Variants in RFX4 observed in about 807,000 individuals in gnomAD.
RFX4 encodes the protein regulatory factor X4.
In RFX4, 10 loss-of-function variants were observed where a neutral mutation model predicts 95.0. The observed-to-expected ratio is 0.11, with a 90% CI of 0.06 to 0.18. The LOEUF is 0.18. Among genes scored for constraint, RFX4 ranks in the 10% least tolerant of loss-of-function variants. The pLI is 1.00. For missense variants in RFX4, 640 were observed against 922.0 expected, an observed-to-expected ratio of 0.69 and a Z score of 3.96; for synonymous variants, 321 against 340.7, an observed-to-expected ratio of 0.94 and a Z score of 0.64.
rs397850563 is a variant in RFX4 at position 106,628,762 on chromosome 12, C to CTTT, written c.131-10555_131-10553dup. 4.7e-4 allele frequency among the ~76,000 whole-genome samples: 62 copies of CTTT among 133,254 alleles called. 3 individuals carry two copies. Among genetic ancestry groups the CTTT allele is most frequent in the African/African-American group, 6.5e-4 (23 of 35,164 alleles). The allele number at this position is 133,254 out of a possible 152,430, so 87.4% of individuals were successfully genotyped here. A position where few individuals can be genotyped will look rare whatever the true frequency, so the allele number is the denominator to read the frequency against. ...AAATGAAAAATTCAAATATATGTTC[C>CTTT]TTTTTTTTTTTTTTTTTGAGACAGA... On this transcript the variant is annotated intron_variant, in intron 2 of 17. Coordinates refer to ENST00000392842, the MANE Select transcript of RFX4 (RefSeq NM_213594.3).
chr12:106,730,552 T>C (rs74735985), intron 13 of RFX4, among the ~76,000 whole-genome samples: 2 of 152,296 alleles, frequency 1.3e-5, no homozygotes, highest in African/African-American at 2.4e-5. Context: ...TCACAGTTTG[T>C]TGTAAGGAAG....
At chr12:106,689,158 C>A in intron 6 of RFX4, 129 bp from the exon 7 acceptor site, 2 of 792,344 alleles carry the variant, frequency 2.5e-6, no homozygotes, top group East Asian at 2.6e-5. Flanking sequence ...GTCTGGTAGG[C>A]TGAGCCGGTG....
intron 4 of RFX4, among the ~76,000 whole-genome samples, chr12:106,663,492 T>A (rs886288770): frequency 3.9e-5 from 6 of 152,042 alleles, no homozygotes; most frequent in African/African-American, 1.4e-4. Context: ...GACAATTATG[T>A]CATCTTTGAA....
chr12:106,699,895 A>G (rs2041952550), intron 8 of RFX4, among the ~76,000 whole-genome samples: 1 of 150,936 alleles, frequency 6.6e-6, no homozygotes, highest in Non-Finnish European at 1.5e-5. Flanking sequence ...AATTAAATAT[A>G]TGGTTCAATT....
chr12:106,677,079 T>G (rs1424455031), intron 4 of RFX4, among the ~76,000 whole-genome samples: 1 of 152,118 alleles, frequency 6.6e-6, no homozygotes, highest in Non-Finnish European at 1.5e-5. Context: ...TGGCGCTGGA[T>G]TGTTGTGATG....
At chr12:106,740,279 C>G (rs2137586586) in intron 15 of RFX4, among the ~76,000 whole-genome samples, 1 of 152,308 alleles carries the variant, frequency 6.6e-6, no homozygotes, top group South Asian at 2.1e-4. Context: ...GACCCTTAGT[C>G]TTTCCAAATA....
At chr12:106,671,469 C>T (rs1417818666) in intron 4 of RFX4, among the ~76,000 whole-genome samples, 2 of 151,920 alleles carry the variant, frequency 1.3e-5, no homozygotes, top group Non-Finnish European at 2.9e-5. Flanking sequence ...GGACACCGTG[C>T]TGGCTCTGGC....
intron 3 of RFX4, among the ~76,000 whole-genome samples, chr12:106,646,420 C>T (rs547924238): frequency 1.7e-5 from 2 of 117,006 alleles, no homozygotes; most frequent in South Asian, 5.9e-4. Context: ...AATACATTGC[C>T]TAGTTTTATC....
intron 4 of RFX4, among the ~76,000 whole-genome samples, chr12:106,656,631 C>T (rs1335374652): frequency 6.6e-6 from 1 of 152,178 alleles, no homozygotes; most frequent in Non-Finnish European, 1.5e-5. Context: ...GTTCCCAAAG[C>T]TAGTCCCAGT....
chr12:106,752,494 T>C (rs986470414), intron 17 of RFX4, among the ~76,000 whole-genome samples: 1 of 151,992 alleles, frequency 6.6e-6, no homozygotes, highest in Admixed American at 6.6e-5. Context: ...CATGCCAAGA[T>C]CTAATTGGCT....
chr12:106,720,689 A>T lies in RFX4; in HGVS notation c.1234-70A>T. 2 of 1,490,452 alleles carry T rather than the reference A, an allele frequency of 1.3e-6. No individual in the cohort carries two copies. Among genetic ancestry groups the T allele is most frequent in the Non-Finnish European group, 1.9e-6 (2 of 1,068,568 alleles). The allele number at this position is 1,490,452 out of a possible 1,614,324, so 92.3% of individuals were successfully genotyped here. ...GGCGTGAGCCACTTCAACCGGCCTC[A>T]TTTTTCAAAGAGACAGTAATAAATG... is the stretch of plus-strand genomic sequence containing the variant. On this transcript the variant is annotated intron_variant, in intron 12 of 17. Coordinates refer to ENST00000392842, the MANE Select transcript of RFX4 (RefSeq NM_213594.3). The surrounding 1 kb of genome is among the most constrained non-coding windows in gnomAD (Gnocchi z 4.2).
intron 1 of RFX4, among the ~76,000 whole-genome samples, chr12:106,601,707 C>T (rs1160385782): frequency 2.0e-5 from 3 of 152,216 alleles, no homozygotes; most frequent in Non-Finnish European, 4.4e-5. Context: ...CTGCAGGCTT[C>T]GCGGCCTGGT....
intron 7 of RFX4, among the ~76,000 whole-genome samples, chr12:106,694,669 T>C (rs1039552462): frequency 6.6e-6 from 1 of 152,190 alleles, no homozygotes; most frequent in African/African-American, 2.4e-5. Context: ...GAGTAATGAT[T>C]CTCAGCTATA....
Position 106,693,109 on chromosome 12 carries a change from G to A in RFX4, c.670-3174G>A, listed in dbSNP as rs1383496419. 2.3e-5 allele frequency: 10 copies of A among 443,360 alleles called. No homozygotes were observed. In the East Asian group the frequency reaches 4.5e-4, roughly 20 times the overall value. 27.5% of individuals were successfully genotyped at this position (443,360 alleles called of 1,614,324 possible). A position where few individuals can be genotyped will look rare whatever the true frequency, so the allele number is the denominator to read the frequency against. ...TCCTGTCAGCTCCACCTTCTGCAGGGAAACACTGCATCTGTCCATTTCATG... is the reference window on the plus strand; with the variant it reads ...TCCTGTCAGCTCCACCTTCTGCAGGAAAACACTGCATCTGTCCATTTCATG... On this transcript the variant is annotated intron_variant, in intron 7 of 17. Transcript: ENST00000392842.
chr12:106,714,090 A>AAAAAAAAAAAAAAAC (rs1565991588), intron 10 of RFX4, among the ~76,000 whole-genome samples: 2 of 151,076 alleles, frequency 1.3e-5, no homozygotes, highest in Admixed American at 6.6e-5. Context: ...AAAAAAAAAA[A>AAAAAAAAAAAAAAAC]AGCATGTTCT....
At chr12:106,754,176 G>A (rs553091357) in intron 17 of RFX4, among the ~76,000 whole-genome samples, 2 of 152,174 alleles carry the variant, frequency 1.3e-5, no homozygotes, top group Non-Finnish European at 2.9e-5. Flanking sequence ...GACAAGCCAA[G>A]AAGTTGATTC....
At chr12:106,629,164 A>G (rs2040364906) in intron 2 of RFX4, among the ~76,000 whole-genome samples, 1 of 152,316 alleles carries the variant, frequency 6.6e-6, no homozygotes, top group Middle Eastern at 3.4e-3. Flanking sequence ...ATCAGTAAGA[A>G]CATAGAAAGC....
intron 2 of RFX4, among the ~76,000 whole-genome samples, chr12:106,621,168 T>A (rs1321905661): frequency 6.6e-6 from 1 of 152,170 alleles, no homozygotes; most frequent in African/African-American, 2.4e-5. Flanking sequence ...TATAACAGGA[T>A]TAAGAGGTTA....
At chr12:106,664,412 A>G (rs749376789) in intron 4 of RFX4, among the ~76,000 whole-genome samples, 1 of 151,700 alleles carries the variant, frequency 6.6e-6, no homozygotes, top group Non-Finnish European at 1.5e-5. Context: ...TCCTCCTTCA[A>G]TACTAATATT....
Sources: gnomAD v4.1 joint callset for allele counts (sites outside exome capture counted in the v4.1 genomes callset) on GRCh38, gnomAD v4.1.1 for gene constraint, Gnocchi (gnomAD v3.1) non-coding constraint, MANE v1.5 for transcripts, NCBI Gene and HGNC (gene_info 2026-07-23, HGNC 2026-07-21) for gene names.